Variants in CSNK1G1 observed in about 807,000 individuals in gnomAD.
The protein encoded by CSNK1G1 is casein kinase 1 gamma 1.
Under a neutral mutation model 59.6 loss-of-function variants are expected in CSNK1G1, and 22 were observed. The ratio of observed to expected loss-of-function variants is 0.37; its 90% CI spans 0.26 to 0.53. The LOEUF is 0.53. Ranked by LOEUF, CSNK1G1 falls within the 20% of genes least tolerant of loss-of-function variation. CSNK1G1 has a pLI of 0.89. For synonymous variants in CSNK1G1, 179 were observed against 177.1 expected (o/e 1.01, Z -0.08); for missense variants, 384 against 519.5 (o/e 0.74, Z 2.54).
chr15:64,323,522 C>T (rs774199916), intron 1 of CSNK1G1, among the ~76,000 whole-genome samples: 3 of 152,036 alleles, frequency 2.0e-5, no homozygotes, highest in East Asian at 1.9e-4. Context: ...TGTGCCACCA[C>T]GCCCAGCTAA....
intron 2 of CSNK1G1, among the ~76,000 whole-genome samples, chr15:64,292,523 T>C (rs1301207908): frequency 1.3e-5 from 2 of 152,214 alleles, no homozygotes; most frequent in African/African-American, 2.4e-5. Flanking sequence ...ATCCTCTCAC[T>C]CTATCCTACT....
intron 2 of CSNK1G1, among the ~76,000 whole-genome samples, chr15:64,295,250 T>G (rs1384731756): frequency 6.6e-6 from 1 of 152,190 alleles, no homozygotes; most frequent in Non-Finnish European, 1.5e-5. Context: ...TGTTCCATTA[T>G]TGGAACGCTA....
chr15:64,300,593 C>G lies in CSNK1G1; in HGVS notation c.-94G>C. The G allele has an allele frequency of 5.5e-6, 8 of 1,461,184 alleles. No homozygotes were observed. The highest frequency in any genetic ancestry group is 7.3e-6 in the Non-Finnish European group (8 of 1,102,414). 90.5% of individuals were successfully genotyped at this position (1,461,184 alleles called of 1,614,324 possible). A position where few individuals can be genotyped will look rare whatever the true frequency, so the allele number is the denominator to read the frequency against. On this transcript the variant is annotated 5_prime_UTR_variant, in exon 2 of 12. An upstream open reading frame in the 5' UTR loses its in-frame stop. Coordinates refer to ENST00000303052, the MANE Select transcript of CSNK1G1 (RefSeq NM_022048.5). ...AAAGTATGTCCAAATAAATTGTAGT[C>G]AGAGAAAGGTAAGGAGTTCTTTTAG...
At chr15:64,348,178 G>A (rs1204811602) in intron 1 of CSNK1G1, among the ~76,000 whole-genome samples, 1 of 152,148 alleles carries the variant, frequency 6.6e-6, no homozygotes, top group African/African-American at 2.4e-5. Flanking sequence ...AGGAGAGGAG[G>A]GATGTGAAGC....
chr15:64,229,018 CAAA>C (rs1218085247), intron 4 of CSNK1G1, among the ~76,000 whole-genome samples: 1 of 65,924 alleles, frequency 1.5e-5, no homozygotes, highest in Non-Finnish European at 3.3e-5. Flanking sequence ...GACTCTGTCT[CAAA>C]AAAAAAAAAA....
chr15:64,172,170 T>C (rs2081677246), intron 11 of CSNK1G1, among the ~76,000 whole-genome samples, 185 bp from the exon 12 acceptor site: 1 of 152,100 alleles, frequency 6.6e-6, no homozygotes, highest in Admixed American at 6.5e-5. Context: ...CCAAAGGAAA[T>C]AGCTGCTTGA....
intron 7 of CSNK1G1, among the ~76,000 whole-genome samples, chr15:64,206,588 A>C (rs921066064): frequency 1.0e-3 from 1 of 960 alleles, no homozygotes; most frequent in African/African-American, 3.3e-3. Context: ...CTCTGTCTCA[A>C]AAAAAAAAAA....
chr15:64,172,092 AC>A, intron 11 of CSNK1G1, 107 bp from the exon 12 acceptor site: 1 of 916,926 alleles, frequency 1.1e-6, no homozygotes. Flanking sequence ...CCTAGCACCC[AC>A]CCATAGGGAC....
intron 1 of CSNK1G1, among the ~76,000 whole-genome samples, chr15:64,339,234 G>A (rs536276812): frequency 5.9e-5 from 9 of 152,252 alleles, no homozygotes; most frequent in African/African-American, 1.9e-4. Flanking sequence ...TGGAAATTTG[G>A]AGGCCCTACC....
In CSNK1G1 at chr15:64,290,365, G is replaced by A. The variant is rs1894671355; in HGVS notation, c.181+9954C>T. ...CATTTTACACACACACACACACACA[G>A]GCAGACAGGCAATGAACTACTATTC... On this transcript the variant is annotated intron_variant, in intron 2 of 11. Transcript: ENST00000303052. 2.0e-5 allele frequency among the ~76,000 whole-genome samples: 3 copies of A among 148,712 alleles called. No individual in the cohort carries two copies. In the South Asian group the frequency reaches 6.4e-4, roughly 31 times the overall value.
rs1894271826 is a variant in CSNK1G1 at position 64,283,864 on chromosome 15, TCTA to T, written c.181+16452_181+16454del. On this transcript the variant is annotated intron_variant, in intron 2 of 11. Transcript: ENST00000303052. ...AAATCCAATTTATCTGTTTTTTTCTTCTACTGTTTATGCTTTTGGTATCATAAC... is the reference window on the plus strand; with the variant it reads ...AAATCCAATTTATCTGTTTTTTTCTTCTGTTTATGCTTTTGGTATCATAAC... Among the ~76,000 whole-genome samples, 3 of 152,330 alleles carry T rather than the reference TCTA, an allele frequency of 2.0e-5. No individual in the cohort carries two copies. The South Asian group carries it at 6.2e-4, about 32-fold the overall frequency.
chr15:64,294,929 A>AG (rs888602451), intron 2 of CSNK1G1, among the ~76,000 whole-genome samples: 2 of 147,610 alleles, frequency 1.4e-5, no homozygotes, highest in Non-Finnish European at 3.0e-5. Context: ...AAAAAAAAAA[A>AG]AAAAAAGAGG....
At chr15:64,292,305 C>A (rs1362547947) in intron 2 of CSNK1G1, among the ~76,000 whole-genome samples, 2 of 152,044 alleles carry the variant, frequency 1.3e-5, no homozygotes, top group African/African-American at 2.4e-5. Context: ...TCATATAAAT[C>A]CTACATCAAT....
chr15:64,173,672 G>C (rs2081705279), intron 11 of CSNK1G1, among the ~76,000 whole-genome samples: 1 of 145,252 alleles, frequency 6.9e-6, no homozygotes, highest in African/African-American at 2.6e-5. Context: ...GCTCAGGCTG[G>C]AGTGCAATGG....
intron 5 of CSNK1G1, among the ~76,000 whole-genome samples, chr15:64,215,162 A>C (rs1306505180): frequency 6.6e-6 from 1 of 151,132 alleles, no homozygotes; most frequent in African/African-American, 2.4e-5. Flanking sequence ...AAAGCATTTC[A>C]AATTTTATTA....
At position 64,166,103 on chromosome 15, in the gene CSNK1G1, A is replaced by T. The variant is rs779371881; in HGVS notation, c.*5828T>A. 1.6e-6 allele frequency: 1 copy of T among 615,674 alleles called. No homozygotes were observed. Among genetic ancestry groups the T allele is most frequent in the South Asian group, 1.9e-5 (1 of 52,442 alleles). The allele number at this position is 615,674 out of a possible 1,614,324, so 38.1% of individuals were successfully genotyped here. A position where few individuals can be genotyped will look rare whatever the true frequency, so the allele number is the denominator to read the frequency against. On this transcript the variant is annotated 3_prime_UTR_variant, in exon 12 of 12. Transcript: ENST00000303052. The surrounding 1 kb of genome is among the most constrained non-coding windows in gnomAD (Gnocchi z 4.5). Reference sequence around the variant, plus strand: ...CATCTAAAAAAAAAAAAAGTAAAAAAAGAGGCATTTAACAATAATCAGACA... The same window carrying T: ...CATCTAAAAAAAAAAAAAGTAAAAATAGAGGCATTTAACAATAATCAGACA...
intron 6 of CSNK1G1, among the ~76,000 whole-genome samples, chr15:64,213,466 C>G (rs761396129): frequency 3.9e-5 from 6 of 152,192 alleles, no homozygotes; most frequent in Non-Finnish European, 7.3e-5. Flanking sequence ...TTGAAGACTT[C>G]TGTGCAGAAC....
intron 4 of CSNK1G1, among the ~76,000 whole-genome samples, chr15:64,226,431 G>A (rs1224758753): frequency 1.3e-5 from 2 of 152,164 alleles, no homozygotes; most frequent in Non-Finnish European, 2.9e-5. Context: ...GGTGGTGCAC[G>A]CCTGTAGTCC....
At chr15:64,260,919 G>A (rs916445360) in intron 2 of CSNK1G1, among the ~76,000 whole-genome samples, 4 of 152,092 alleles carry the variant, frequency 2.6e-5, no homozygotes, top group Admixed American at 2.6e-4. Flanking sequence ...TTGTCTGCAA[G>A]TAAGATAAAA....
Sources: allele counts gnomAD v4.1 joint callset (sites outside exome capture counted in the v4.1 genomes callset), GRCh38; gene constraint gnomAD v4.1.1; non-coding constraint Gnocchi (gnomAD v3.1); transcripts MANE v1.5; gene names NCBI Gene and HGNC (gene_info 2026-07-23, HGNC 2026-07-21).